The following CYP4Z1 variants were observed in gnomAD, a reference collection of about 807,000 sequenced individuals.
CYP4Z1 encodes cytochrome P450 4Z1.
Under a neutral mutation model 54.2 loss-of-function variants are expected in CYP4Z1, and 41 were observed. The observed-to-expected ratio is 0.76, with a 90% confidence interval of 0.59 to 0.98. The LOEUF (loss-of-function observed/expected upper bound fraction) is 0.98, where lower values mean the gene tolerates loss of function less well. Ranked by LOEUF, CYP4Z1 falls within the 50% of genes least tolerant of loss-of-function variation. The probability of loss-of-function intolerance (pLI) is 0.00; values close to 1 mark genes in which losing one functional copy is unlikely to be tolerated. For synonymous variants in CYP4Z1, 163 were observed against 206.2 expected, an observed-to-expected ratio of 0.79 and a Z score of 1.79; for missense variants, 513 against 599.0, an observed-to-expected ratio of 0.86 and a Z score of 1.50.
chr1:47,111,519 G>A (rs1042497490), intron 9 of CYP4Z1, among the ~76,000 whole-genome samples: 1 of 152,070 alleles, frequency 6.6e-6, no homozygotes, highest in African/African-American at 2.4e-5. Flanking sequence ...GAAATGAAAA[G>A]GAAAACAGTC....
chr1:47,106,152 C>T lies in CYP4Z1; in HGVS notation c.1092C>T (p.Tyr364=). 6.2e-7 allele frequency: 1 copy of T among 1,613,998 alleles called. No homozygotes were observed. The highest frequency in any genetic ancestry group is 1.1e-5 in the South Asian group (1 of 91,064). ...ITWEHLSQMP[Y]TTMCIKECLR... ...GGGAACACCTGAGCCAGATGCCTTA[C>T]ACCACGATGTGCATCAAGGAATGCC... The change falls in exon 9 of 12, where the codon TAC becomes TAT. Residue 364 remains tyrosine (Y), a synonymous_variant. Coordinates refer to ENST00000334194, the MANE Select transcript of CYP4Z1 (RefSeq NM_178134.3).
At chr1:47,073,909 C>T (rs1644499943) in intron 2 of CYP4Z1, among the ~76,000 whole-genome samples, 1 of 152,168 alleles carries the variant, frequency 6.6e-6, no homozygotes, top group Non-Finnish European at 1.5e-5. Flanking sequence ...TCTTTTAACC[C>T]TTTTAGTGGC....
At chr1:47,064,318 G>A (rs1211846903), upstream of CYP4Z1, among the ~76,000 whole-genome samples, 3 of 151,888 alleles carry the variant, frequency 2.0e-5, no homozygotes, top group Non-Finnish European at 2.9e-5. Flanking sequence ...TCCTGACCTC[G>A]TGATCCACCC....
intron 6 of CYP4Z1, among the ~76,000 whole-genome samples, chr1:47,089,275 T>A (rs1374888099): frequency 1.3e-5 from 2 of 152,174 alleles, no homozygotes; most frequent in Non-Finnish European, 2.9e-5. Flanking sequence ...TGAACCTCTA[T>A]TTACTACTTC....
the CYP4Z1 span, among the ~76,000 whole-genome samples, chr1:47,061,177 GAAGAC>G: frequency 5.3e-4 from 81 of 152,264 alleles, no homozygotes; most frequent in African/African-American, 1.9e-3. Context: ...AAAGCTAGCA[GAAGAC>G]AAGAAATAAC....
chr1:47,110,454 G>A (rs1644785297), intron 9 of CYP4Z1, among the ~76,000 whole-genome samples: 1 of 143,464 alleles, frequency 7.0e-6, no homozygotes, highest in Non-Finnish European at 1.5e-5. Flanking sequence ...CTACTCAGGA[G>A]GCTGAGGTGG....
chr1:47,086,092 A>C (rs1315606563), intron 6 of CYP4Z1, among the ~76,000 whole-genome samples: 1 of 151,970 alleles, frequency 6.6e-6, no homozygotes, highest in East Asian at 1.9e-4. Context: ...CCAGTCTATC[A>C]TTGTTGGACA....
intron 7 of CYP4Z1, among the ~76,000 whole-genome samples, chr1:47,098,338 C>G (rs570726368): frequency 1.4e-4 from 21 of 152,104 alleles, no homozygotes; most frequent in African/African-American, 5.1e-4. Context: ...CTTCACTTCC[C>G]CTGTTAGATG....
intron 9 of CYP4Z1, among the ~76,000 whole-genome samples, chr1:47,107,129 T>C (rs1176115065): frequency 3.3e-5 from 5 of 152,242 alleles, no homozygotes; most frequent in Non-Finnish European, 5.9e-5. Flanking sequence ...AACTATTTAG[T>C]ACTTACTAGG....
At chr1:47,111,222 T>C (rs1319773418) in intron 9 of CYP4Z1, among the ~76,000 whole-genome samples, 1 of 152,138 alleles carries the variant, frequency 6.6e-6, no homozygotes, top group African/African-American at 2.4e-5. Context: ...CTTGCTCTGT[T>C]GCCCAGGCTG....
At chr1:47,057,158 T>G in the CYP4Z1 span, among the ~76,000 whole-genome samples, 54 of 151,398 alleles carry the variant, frequency 3.6e-4, 1 homozygote, top group South Asian at 0.011. Flanking sequence ...GTAAAGTATT[T>G]TATTTCTCCT....
chr1:47,116,001 T>C (rs1644827250), intron 10 of CYP4Z1, among the ~76,000 whole-genome samples: 1 of 152,168 alleles, frequency 6.6e-6, no homozygotes, highest in African/African-American at 2.4e-5. Flanking sequence ...TTTGAGCATA[T>C]TTGAAGTTAG....
chr1:47,117,965 G>A lies in CYP4Z1; in HGVS notation c.*31G>A. ...AGTCCTTTCGTATAAGAATTAATGA[G>A]ACAATTTTCCTACCAAAGGAAGAAC... On this transcript the variant is annotated 3_prime_UTR_variant, in exon 12 of 12. Transcript: ENST00000334194. 12 of 1,598,444 alleles carry A rather than the reference G, an allele frequency of 7.5e-6. No homozygotes were observed. Among genetic ancestry groups the A allele is most frequent in the Non-Finnish European group, 1.0e-5 (12 of 1,169,526 alleles).
At chr1:47,062,868 T>C (rs1030330294), upstream of CYP4Z1, among the ~76,000 whole-genome samples, 7 of 152,146 alleles carry the variant, frequency 4.6e-5, no homozygotes, top group African/African-American at 1.7e-4. Context: ...GTTTGCATCT[T>C]TCCTATAGGA....
chr1:47,077,366 A>G (rs1644532508), intron 2 of CYP4Z1, among the ~76,000 whole-genome samples: 1 of 152,120 alleles, frequency 6.6e-6, no homozygotes, highest in African/African-American at 2.4e-5. Context: ...TTTAAGGTAT[A>G]GTTAACTGAT....
At chr1:47,079,261 A>C (rs1218352791) in intron 2 of CYP4Z1, among the ~76,000 whole-genome samples, 3 of 152,168 alleles carry the variant, frequency 2.0e-5, no homozygotes, top group Non-Finnish European at 4.4e-5. Context: ...GCAAGGCTAA[A>C]TTGCAATGCC....
intron 9 of CYP4Z1, 117 bp from the exon 10 acceptor site, chr1:47,115,412 G>T: frequency 2.3e-6 from 2 of 860,134 alleles, no homozygotes; most frequent in Non-Finnish European, 3.7e-6. Context: ...AAACCTTCAT[G>T]TTGTGCATAT....
intron 6 of CYP4Z1, among the ~76,000 whole-genome samples, chr1:47,086,176 C>T (rs533609809): frequency 2.0e-5 from 3 of 152,252 alleles, no homozygotes; most frequent in Non-Finnish European, 2.9e-5. Flanking sequence ...GTCTTTATAG[C>T]AGCATGATTT....
At chr1:47,059,180 A>C in the CYP4Z1 span, among the ~76,000 whole-genome samples, 5 of 152,162 alleles carry the variant, frequency 3.3e-5, no homozygotes, top group Admixed American at 3.3e-4. Flanking sequence ...TGGCCAATAA[A>C]TTTTATTAAC....
Sources: gnomAD v4.1 joint callset for allele counts (sites outside exome capture counted in the v4.1 genomes callset) on GRCh38, gnomAD v4.1.1 for gene constraint, MANE v1.5 for transcripts, NCBI Gene and HGNC (gene_info 2026-07-23, HGNC 2026-07-21) for gene names.